The following NEGR1 variants were observed in gnomAD, a reference collection of about 807,000 sequenced individuals.
NEGR1 encodes neuronal growth regulator 1, also known as IgLON family member 4.
In NEGR1, 10 loss-of-function variants were observed where a neutral mutation model predicts 40.9. The observed-to-expected ratio is 0.24, with a 90% CI of 0.15 to 0.42. The LOEUF is 0.42. NEGR1 is among the 10% of genes least tolerant of loss of function. The probability of loss-of-function intolerance (pLI) is 1.00; values close to 1 mark genes in which losing one functional copy is unlikely to be tolerated. For synonymous variants in NEGR1, 185 were observed against 166.8 expected, an observed-to-expected ratio of 1.11 and a Z score of -0.84; for missense variants, 352 against 438.9, an observed-to-expected ratio of 0.80 and a Z score of 1.77.
In NEGR1 at chr1:71,417,569, A is replaced by G. The variant is rs181912562; in HGVS notation, c.941-9999T>C. 1.1e-3 allele frequency among the ~76,000 whole-genome samples: 162 copies of G among 152,318 alleles called. 2 individuals carry two copies. Among genetic ancestry groups the G allele is most frequent in the Admixed American group, 5.9e-3 (90 of 15,296 alleles). ...AAACACACACCCAAGAGAACTGTTA[A>G]ATAACTGCTCTTGTCTGTGAGTTCT... On this transcript the variant is annotated intron_variant, in intron 6 of 6. Transcript: ENST00000357731.
intron 2 of NEGR1, among the ~76,000 whole-genome samples, chr1:71,787,464 G>T (rs536524430): frequency 2.9e-4 from 44 of 152,274 alleles, no homozygotes; most frequent in African/African-American, 1.0e-3. Context: ...GGGCCAGGTA[G>T]AGAGCACCTG....
intron 1 of NEGR1, among the ~76,000 whole-genome samples, chr1:72,276,291 A>G (rs562686631): frequency 3.9e-4 from 59 of 152,198 alleles, no homozygotes; most frequent in Non-Finnish European, 7.6e-4. Flanking sequence ...CTTCATAAAA[A>G]CTAGAAACTT....
rs1011618241 is a variant in NEGR1 at position 71,897,265 on chromosome 1, A to G, written c.409+37814T>C. Among the ~76,000 whole-genome samples the G allele has an allele frequency of 6.6e-5, 10 of 152,276 alleles. No homozygotes were observed. The East Asian group carries it at 1.9e-3, about 29-fold the overall frequency. On this transcript the variant is annotated intron_variant, in intron 2 of 6. Coordinates refer to ENST00000357731, the MANE Select transcript of NEGR1 (RefSeq NM_173808.3). Reference sequence around the variant, plus strand: ...AGATTCTCTCCATTTCCCGACATGAATATCTTGTAAAGACTAAGCTCATTA... The same window carrying G: ...AGATTCTCTCCATTTCCCGACATGAGTATCTTGTAAAGACTAAGCTCATTA...
At chr1:71,623,357 G>C (rs947305116) in intron 4 of NEGR1, among the ~76,000 whole-genome samples, 1 of 151,702 alleles carries the variant, frequency 6.6e-6, no homozygotes, top group African/African-American at 2.4e-5. Flanking sequence ...CATTTATTTT[G>C]ACATGGCAAT....
Position 71,580,663 on chromosome 1 carries a change from T to C in NEGR1, c.940+12154A>G, listed in dbSNP as rs536378394. ...ATGGGGGGAGGGCACTGAAGTTATATAAGAGGATAAAGAAAGGCCATAATG... is the reference window on the plus strand; with the variant it reads ...ATGGGGGGAGGGCACTGAAGTTATACAAGAGGATAAAGAAAGGCCATAATG... On this transcript the variant is annotated intron_variant, in intron 6 of 6. Transcript: ENST00000357731. Among the ~76,000 whole-genome samples the C allele has an allele frequency of 1.4e-4, 22 of 152,124 alleles. No homozygotes were observed. In the South Asian group the frequency reaches 4.6e-3, roughly 32 times the overall value.
At chr1:71,943,956 A>T (rs569746042) in intron 1 of NEGR1, among the ~76,000 whole-genome samples, 90 of 152,342 alleles carry the variant, frequency 5.9e-4, no homozygotes, top group African/African-American at 2.1e-3. Context: ...AAAGAAAAAA[A>T]GGTGTTACAA....
chr1:72,043,897 A>G (rs1160137903), intron 1 of NEGR1, among the ~76,000 whole-genome samples: 1 of 151,916 alleles, frequency 6.6e-6, no homozygotes, highest in Non-Finnish European at 1.5e-5. Flanking sequence ...CTATTTAACA[A>G]TATCCAACAG....
intron 4 of NEGR1, among the ~76,000 whole-genome samples, chr1:71,643,012 C>G (rs1008277595): frequency 1.3e-5 from 2 of 151,810 alleles, no homozygotes; most frequent in Non-Finnish European, 2.9e-5. Flanking sequence ...AATAAAAAGA[C>G]CAGACAAAGG....
At chr1:71,950,108 A>G (rs1646056132) in intron 1 of NEGR1, among the ~76,000 whole-genome samples, 1 of 152,074 alleles carries the variant, frequency 6.6e-6, no homozygotes, top group Admixed American at 6.6e-5. Context: ...TTATGAATTC[A>G]AAGATGGGTT....
intron 1 of NEGR1, among the ~76,000 whole-genome samples, chr1:71,977,629 C>CA (rs1250396859): frequency 4.6e-5 from 7 of 151,572 alleles, no homozygotes; most frequent in South Asian, 2.1e-4. Flanking sequence ...TGTTCTTTTC[C>CA]AAAAAATATA....
chr1:72,089,695 T>A (rs1453421020), intron 1 of NEGR1, among the ~76,000 whole-genome samples: 1 of 152,186 alleles, frequency 6.6e-6, no homozygotes. Context: ...TTTTTCCTGA[T>A]AGTCTTCTTT....
intron 6 of NEGR1, among the ~76,000 whole-genome samples, chr1:71,501,356 G>A (rs1646997914): frequency 6.6e-6 from 1 of 152,106 alleles, no homozygotes; most frequent in Non-Finnish European, 1.5e-5. Context: ...TTAATCGTAT[G>A]AAGCAATATT....
chr1:71,812,874 A>G (rs1305707406), intron 2 of NEGR1, among the ~76,000 whole-genome samples: 2 of 151,976 alleles, frequency 1.3e-5, no homozygotes, highest in Non-Finnish European at 2.9e-5. Flanking sequence ...CACTCTGATG[A>G]TAGTTTCTTT....
At chr1:71,423,729 G>C (rs1295731200) in intron 6 of NEGR1, among the ~76,000 whole-genome samples, 1 of 151,708 alleles carries the variant, frequency 6.6e-6, no homozygotes, top group Non-Finnish European at 1.5e-5. Flanking sequence ...CAAACTTTTG[G>C]GCAGGGCATA....
intron 2 of NEGR1, among the ~76,000 whole-genome samples, chr1:71,804,617 T>C (rs1657685821): frequency 6.6e-6 from 1 of 152,222 alleles, no homozygotes; most frequent in Non-Finnish European, 1.5e-5. Flanking sequence ...ATTGTGAAGA[T>C]TTCATGGACA....
At chr1:72,234,101 C>T (rs1029183892) in intron 1 of NEGR1, among the ~76,000 whole-genome samples, 2 of 152,002 alleles carry the variant, frequency 1.3e-5, no homozygotes, top group African/African-American at 4.8e-5. Context: ...GCCTAGTACC[C>T]ATTAGTTATT....
chr1:71,439,919 GC>G, intron 6 of NEGR1: 1 of 151,338 alleles, frequency 6.6e-6, no homozygotes, highest in Middle Eastern at 3.4e-3. Context: ...TTTTTCTTCA[GC>G]CTCATGTAAT....
intron 3 of NEGR1, among the ~76,000 whole-genome samples, chr1:71,759,047 A>G (rs1359858806): frequency 6.6e-6 from 1 of 152,162 alleles, no homozygotes; most frequent in African/African-American, 2.4e-5. Context: ...AATACTAGTT[A>G]CTATGTGCTA....
chr1:71,770,766 G>T (rs530294852), intron 3 of NEGR1, among the ~76,000 whole-genome samples: 29 of 152,300 alleles, frequency 1.9e-4, no homozygotes, highest in Admixed American at 5.2e-4. Flanking sequence ...TTTCATGCCA[G>T]TTAGAATGGC....
Sources: allele counts gnomAD v4.1 joint callset (sites outside exome capture counted in the v4.1 genomes callset), GRCh38; gene constraint gnomAD v4.1.1; transcripts MANE v1.5; gene names NCBI Gene and HGNC (gene_info 2026-07-23, HGNC 2026-07-21).